Variants in CA10 observed in about 807,000 individuals in gnomAD.
The protein encoded by CA10 is carbonic anhydrase-related protein 10.
In CA10, 14 loss-of-function variants were observed where a neutral mutation model predicts 44.2. The ratio of observed to expected loss-of-function variants is 0.32; its 90% CI spans 0.21 to 0.50. The LOEUF (loss-of-function observed/expected upper bound fraction) is 0.50. Ranked by LOEUF, CA10 falls within the 20% of genes least tolerant of loss-of-function variation. The pLI is 0.99. For synonymous variants in CA10, 159 were observed against 141.6 expected (o/e 1.12, Z -0.87); for missense variants, 350 against 409.7 (o/e 0.85, Z 1.26).
At chr17:52,108,233 A>T (rs1988711690) in intron 1 of CA10, among the ~76,000 whole-genome samples, 1 of 137,148 alleles carries the variant, frequency 7.3e-6, no homozygotes, top group African/African-American at 2.6e-5. Flanking sequence ...TATAATATGT[A>T]TATGATGGAA....
chr17:52,025,875 G>C (rs1001114213), intron 2 of CA10, among the ~76,000 whole-genome samples: 1 of 152,044 alleles, frequency 6.6e-6, no homozygotes, highest in Non-Finnish European at 1.5e-5. Context: ...TATGGGAAAG[G>C]CTGAGGAAAT....
intron 2 of CA10, among the ~76,000 whole-genome samples, chr17:51,946,356 A>C (rs1235972098): frequency 6.6e-6 from 1 of 152,204 alleles, no homozygotes; most frequent in Admixed American, 6.5e-5. Context: ...AACTTGATTT[A>C]GTTTAACTAC....
chr17:51,850,963 G>A (rs1477556416), intron 3 of CA10, among the ~76,000 whole-genome samples: 1 of 152,198 alleles, frequency 6.6e-6, no homozygotes, highest in Non-Finnish European at 1.5e-5. Flanking sequence ...ACAGTTTAAA[G>A]GGCAAGCTGC....
At chr17:51,946,565 A>T (rs1009389533) in intron 2 of CA10, among the ~76,000 whole-genome samples, 2 of 152,004 alleles carry the variant, frequency 1.3e-5, no homozygotes, top group African/African-American at 4.8e-5. Context: ...TGACATTTCC[A>T]GTGTGTCCTG....
At chr17:51,700,398 G>A (rs997513473) in intron 4 of CA10, among the ~76,000 whole-genome samples, 4 of 152,126 alleles carry the variant, frequency 2.6e-5, no homozygotes, top group Non-Finnish European at 5.9e-5. Context: ...AAGACCCCTG[G>A]GTTTTGTCCG....
chr17:52,055,426 A>G (rs1350492041), intron 2 of CA10, among the ~76,000 whole-genome samples: 1 of 151,982 alleles, frequency 6.6e-6, no homozygotes, highest in Non-Finnish European at 1.5e-5. Flanking sequence ...ATACCACAAT[A>G]TGTGAGAAAG....
intron 4 of CA10, among the ~76,000 whole-genome samples, chr17:51,692,790 T>G (rs1915260814): frequency 6.6e-6 from 1 of 152,272 alleles, no homozygotes; most frequent in Non-Finnish European, 1.5e-5. Context: ...AATAAGTTTT[T>G]TATTAATTTA....
chr17:51,895,073 A>G (rs1981012550), intron 3 of CA10, among the ~76,000 whole-genome samples: 1 of 152,092 alleles, frequency 6.6e-6, no homozygotes, highest in Non-Finnish European at 1.5e-5. Context: ...CACTGAGCCC[A>G]TTATTTATTT....
At chr17:51,924,321 CA>C (rs1982342073) in intron 3 of CA10, among the ~76,000 whole-genome samples, 1 of 152,062 alleles carries the variant, frequency 6.6e-6, no homozygotes, top group Non-Finnish European at 1.5e-5. Flanking sequence ...TCACTGGGAA[CA>C]AAAGGTATGT....
chr17:52,050,611 C>T (rs1403620127), intron 2 of CA10, among the ~76,000 whole-genome samples: 1 of 152,050 alleles, frequency 6.6e-6, no homozygotes, highest in Non-Finnish European at 1.5e-5. Context: ...TCATGTCCTT[C>T]AATCCCTTCC....
intron 2 of CA10, among the ~76,000 whole-genome samples, chr17:51,936,885 G>A (rs2144007489): frequency 6.6e-6 from 1 of 152,236 alleles, no homozygotes; most frequent in East Asian, 1.9e-4. Context: ...TAATCCTATT[G>A]CTTTTGGTGT....
chr17:51,927,999 C>G (rs1301789731), intron 3 of CA10, among the ~76,000 whole-genome samples: 1 of 152,072 alleles, frequency 6.6e-6, no homozygotes, highest in Non-Finnish European at 1.5e-5. Context: ...TACATACAAC[C>G]CAGCCTTAAG....
rs530297024 is a variant in CA10, at chr17:51,646,451, G to T, written c.634+2731C>A. 2.9e-4 allele frequency among the ~76,000 whole-genome samples: 44 copies of T among 152,272 alleles called. No individual in the cohort carries two copies. In the South Asian group the frequency reaches 8.1e-3, roughly 28 times the overall value. ...GGGTAGCAACAGTAGAATGGGCAGGGGTGGAGGTTAGGTGTCCCTCAGTAG... is the reference window on the plus strand; with the variant it reads ...GGGTAGCAACAGTAGAATGGGCAGGTGTGGAGGTTAGGTGTCCCTCAGTAG... On this transcript the variant is annotated intron_variant, in intron 6 of 8. Transcript: ENST00000451037.
intron 2 of CA10, among the ~76,000 whole-genome samples, 197 bp from the exon 3 acceptor site, chr17:51,931,329 T>C (rs1414440832): frequency 6.6e-6 from 1 of 152,094 alleles, no homozygotes; most frequent in Admixed American, 6.6e-5. Context: ...ACCTGCATGG[T>C]CTCTTGTCAT....
intron 3 of CA10, among the ~76,000 whole-genome samples, chr17:51,912,675 T>C (rs766696528): frequency 1.3e-5 from 2 of 152,176 alleles, no homozygotes; most frequent in Non-Finnish European, 2.9e-5. Context: ...TTGCACTGTG[T>C]GTGCAATGAA....
chr17:52,063,698 G>A (rs754908112), intron 2 of CA10, among the ~76,000 whole-genome samples: 1 of 152,164 alleles, frequency 6.6e-6, no homozygotes, highest in Non-Finnish European at 1.5e-5. Flanking sequence ...GAAACAGCCT[G>A]AGGCCCTCAC....
At chr17:52,056,698 C>A (rs1987238915) in intron 2 of CA10, among the ~76,000 whole-genome samples, 1 of 151,830 alleles carries the variant, frequency 6.6e-6, no homozygotes, top group Non-Finnish European at 1.5e-5. Context: ...AAAGGAATAA[C>A]CTGAGGTTAA....
At chr17:51,698,437 T>A (rs1915474855) in intron 4 of CA10, among the ~76,000 whole-genome samples, 1 of 152,240 alleles carries the variant, frequency 6.6e-6, no homozygotes, top group South Asian at 2.1e-4. Flanking sequence ...TGAGGTATAA[T>A]TGATAGAAGG....
chr17:51,902,018 G>A (rs539287170), intron 3 of CA10, among the ~76,000 whole-genome samples: 15 of 152,196 alleles, frequency 9.9e-5, no homozygotes, highest in African/African-American at 3.6e-4. Flanking sequence ...ATAGCTGCTG[G>A]TTCTCAAAGG....
Sources: gnomAD v4.1 joint callset for allele counts (sites outside exome capture counted in the v4.1 genomes callset) on GRCh38, gnomAD v4.1.1 for gene constraint, MANE v1.5 for transcripts, NCBI Gene and HGNC (gene_info 2026-07-23, HGNC 2026-07-21) for gene names.